The following KCNH5 variants were observed in gnomAD, a reference collection of about 807,000 sequenced individuals.
KCNH5 encodes potassium voltage-gated channel subfamily H member 5, also known as voltage-gated delayed rectifier potassium channel KCNH5.
Under a neutral mutation model 96.1 loss-of-function variants are expected in KCNH5, and 46 were observed. The observed-to-expected ratio is 0.48, with a 90% CI of 0.38 to 0.61. The LOEUF (loss-of-function observed/expected upper bound fraction) is 0.61, where lower values mean the gene tolerates loss of function less well. Ranked by LOEUF, KCNH5 falls within the 20% of genes least tolerant of loss-of-function variation. KCNH5 has a pLI of 0.00. For missense variants in KCNH5, 907 were observed against 1,225.8 expected, an observed-to-expected ratio of 0.74 and a Z score of 3.88; for synonymous variants, 439 against 449.8, an observed-to-expected ratio of 0.98 and a Z score of 0.30.
chr14:62,819,698 T>A (rs1887075174), intron 8 of KCNH5, among the ~76,000 whole-genome samples: 3 of 152,180 alleles, frequency 2.0e-5, no homozygotes, highest in Admixed American at 1.3e-4. Context: ...GGAGGAGGCT[T>A]CAGAGGACAT....
At chr14:62,977,331 GCCTGGGTGACAGAGCAAGACTCTGTCA>G (rs1206654806) in intron 6 of KCNH5, among the ~76,000 whole-genome samples, 4 of 151,910 alleles carry the variant, frequency 2.6e-5, no homozygotes, top group African/African-American at 9.7e-5. Context: ...CTGCACTCTC[GCCTGGGTGACAGAGCAAGACTCTGTCA>G]CCAAAAATAA....
chr14:62,938,108 T>C lies in KCNH5; in HGVS notation c.1369+12025A>G, dbSNP rs1201999683. On this transcript the variant is annotated intron_variant, in intron 7 of 10. Transcript: ENST00000322893. ...TAAATGTCTTTCCCTTACAGGACAC[T>C]TTAAATGAGTAATGGTCCCAAATTA... 2.6e-5 allele frequency among the ~76,000 whole-genome samples: 4 copies of C among 152,296 alleles called. No homozygotes were observed. In the East Asian group the frequency reaches 7.7e-4, roughly 29 times the overall value.
intron 2 of KCNH5, among the ~76,000 whole-genome samples, chr14:63,016,150 G>A (rs576861807): frequency 8.6e-5 from 13 of 151,540 alleles, no homozygotes; most frequent in South Asian, 6.2e-4. Flanking sequence ...ATTAACTCAC[G>A]GAAAAAACAT....
rs1170195887 is a variant in KCNH5, at chr14:62,846,584, T to G, written c.1569+3069A>C. On this transcript the variant is annotated intron_variant, in intron 8 of 10. Coordinates refer to ENST00000322893, the MANE Select transcript of KCNH5 (RefSeq NM_139318.5). ...TGAGTGAAGACCCTTATAAATATTTTCTTAGATTTTTAGTTCATTTTATAA... is the reference window on the plus strand; with the variant it reads ...TGAGTGAAGACCCTTATAAATATTTGCTTAGATTTTTAGTTCATTTTATAA... 2.0e-5 allele frequency among the ~76,000 whole-genome samples: 3 copies of G among 151,738 alleles called. No homozygotes were observed. The East Asian group carries it at 5.8e-4, about 29-fold the overall frequency.
chr14:62,892,760 T>C (rs1290632153), intron 7 of KCNH5, among the ~76,000 whole-genome samples: 1 of 152,186 alleles, frequency 6.6e-6, no homozygotes, highest in East Asian at 1.9e-4. Flanking sequence ...ACTCTACCTG[T>C]GCCCTATAAA....
chr14:63,010,475 T>C (rs978509230), intron 2 of KCNH5, among the ~76,000 whole-genome samples: 2 of 152,196 alleles, frequency 1.3e-5, no homozygotes, highest in African/African-American at 2.4e-5. Context: ...GAGATGTGCA[T>C]GGTTCTGTGA....
intron 7 of KCNH5, among the ~76,000 whole-genome samples, chr14:62,887,094 C>T (rs1349038328): frequency 6.6e-6 from 1 of 152,144 alleles, no homozygotes. Flanking sequence ...TTTGCTTAAA[C>T]TCTTATTATG....
chr14:62,974,425 C>A (rs1890464814), intron 6 of KCNH5, among the ~76,000 whole-genome samples: 1 of 152,138 alleles, frequency 6.6e-6, no homozygotes, highest in South Asian at 2.1e-4. Context: ...GAAGCTCAAT[C>A]CTATTCTTTG....
At chr14:62,851,519 A>AAAGGT (rs1887805899) in intron 7 of KCNH5, among the ~76,000 whole-genome samples, 1 of 141,828 alleles carries the variant, frequency 7.1e-6, no homozygotes, top group Non-Finnish European at 1.5e-5. Flanking sequence ...AAAAAAACCT[A>AAAGGT]AAGGTAATCA....
chr14:62,914,165 T>C (rs1297899709), intron 7 of KCNH5, among the ~76,000 whole-genome samples: 1 of 152,212 alleles, frequency 6.6e-6, no homozygotes, highest in East Asian at 1.9e-4. Flanking sequence ...ATGCTAACCA[T>C]ATGCCTTCCA....
At chr14:62,822,253 T>C (rs1393567338) in intron 8 of KCNH5, among the ~76,000 whole-genome samples, 3 of 152,122 alleles carry the variant, frequency 2.0e-5, no homozygotes, top group African/African-American at 7.2e-5. Flanking sequence ...AAATTTTCTT[T>C]GTAGATATTG....
chr14:62,926,367 A>G (rs915952850), intron 7 of KCNH5, among the ~76,000 whole-genome samples: 54 of 152,104 alleles, frequency 3.6e-4, no homozygotes, highest in African/African-American at 1.3e-3. Flanking sequence ...CATGCAACTT[A>G]GGAAATCTAA....
intron 8 of KCNH5, among the ~76,000 whole-genome samples, chr14:62,842,253 A>T (rs953015878): frequency 1.8e-4 from 28 of 152,340 alleles, no homozygotes; most frequent in African/African-American, 6.7e-4. Flanking sequence ...AGTATTGCTT[A>T]AAGTTTTCAT....
intron 10 of KCNH5, among the ~76,000 whole-genome samples, chr14:62,710,106 T>C (rs935502900): frequency 6.6e-6 from 1 of 152,176 alleles, no homozygotes; most frequent in African/African-American, 2.4e-5. Context: ...TGGAGTAACA[T>C]ATAATCATTG....
intron 7 of KCNH5, among the ~76,000 whole-genome samples, chr14:62,903,544 G>A (rs1489912233): frequency 6.6e-6 from 1 of 152,118 alleles, no homozygotes; most frequent in Admixed American, 6.5e-5. Flanking sequence ...TAAGCGTTTG[G>A]TCAGATAATA....
At chr14:62,850,754 G>A (rs1032835947) in intron 7 of KCNH5, among the ~76,000 whole-genome samples, 2 of 152,038 alleles carry the variant, frequency 1.3e-5, no homozygotes, top group Non-Finnish European at 2.9e-5. Flanking sequence ...CACACTACCC[G>A]CAACTTCCCT....
intron 7 of KCNH5, among the ~76,000 whole-genome samples, chr14:62,903,949 C>T (rs551368604): frequency 3.3e-5 from 5 of 151,838 alleles, no homozygotes; most frequent in South Asian, 2.1e-4. Context: ...GGAGGTCACA[C>T]GCTATTTTCT....
intron 8 of KCNH5, among the ~76,000 whole-genome samples, chr14:62,848,778 A>G (rs1327349619): frequency 2.0e-5 from 3 of 152,226 alleles, no homozygotes; most frequent in Non-Finnish European, 4.4e-5. Flanking sequence ...GAACAAAAAA[A>G]AAAATTGTGG....
At chr14:62,831,876 T>C (rs1291336872) in intron 8 of KCNH5, among the ~76,000 whole-genome samples, 5 of 151,766 alleles carry the variant, frequency 3.3e-5, no homozygotes, top group African/African-American at 1.2e-4. Flanking sequence ...GTCTGGCTAG[T>C]TTTTTTTCTT....
Sources: allele counts gnomAD v4.1 joint callset (sites outside exome capture counted in the v4.1 genomes callset), GRCh38; gene constraint gnomAD v4.1.1; transcripts MANE v1.5; gene names NCBI Gene and HGNC (gene_info 2026-07-23, HGNC 2026-07-21).